The following ZPBP variants were observed in gnomAD, a reference collection of about 807,000 sequenced individuals.
ZPBP encodes the protein zona pellucida binding protein, also known as zona pellucida-binding protein 1.
In ZPBP, 26 loss-of-function variants were observed where a neutral mutation model predicts 44.8. The ratio of observed to expected loss-of-function variants is 0.58; its 90% confidence interval spans 0.43 to 0.81. The LOEUF is 0.81. ZPBP is among the 30% of genes least tolerant of loss of function. The pLI is 0.00. For missense variants in ZPBP, 409 were observed against 434.0 expected (o/e 0.94, Z 0.51); for synonymous variants, 174 against 153.2 (o/e 1.14, Z -1.00).
intron 4 of ZPBP, among the ~76,000 whole-genome samples, chr7:50,050,886 C>CATGACAAA (rs922167228): frequency 2.0e-5 from 3 of 148,628 alleles, no homozygotes; most frequent in Non-Finnish European, 4.5e-5. Flanking sequence ...GCAAAGATTT[C>CATGACAAA]ATGACAAAAA....
At chr7:49,845,695 A>T (rs748473944), downstream of ZPBP, among the ~76,000 whole-genome samples, 2 of 152,250 alleles carry the variant, frequency 1.3e-5, no homozygotes, top group Non-Finnish European at 2.9e-5. Context: ...AATTCCTAAT[A>T]AAAGACCTTG....
intron 4 of ZPBP, among the ~76,000 whole-genome samples, chr7:50,053,704 T>C (rs1209617096): frequency 6.6e-6 from 1 of 152,204 alleles, no homozygotes; most frequent in Non-Finnish European, 1.5e-5. Flanking sequence ...TGACAGTCTG[T>C]TTTTTACTTC....
intron 6 of ZPBP, among the ~76,000 whole-genome samples, chr7:50,015,688 T>G (rs1584047247): frequency 5.4e-5 from 3 of 55,254 alleles, no homozygotes; most frequent in Admixed American, 2.6e-4. Context: ...CCAGAATCTA[T>G]GAAGTACTTA....
At chr7:49,859,225 A>T (rs531147837) in intron 2 of ZPBP, among the ~76,000 whole-genome samples, 1 of 152,334 alleles carries the variant, frequency 6.6e-6, no homozygotes, top group South Asian at 2.1e-4. Context: ...TATATTGCAG[A>T]TATCTTGAGT....
intron 2 of ZPBP, among the ~76,000 whole-genome samples, chr7:49,899,198 C>G (rs1174267398): frequency 6.6e-6 from 1 of 151,950 alleles, no homozygotes; most frequent in Non-Finnish European, 1.5e-5. Context: ...CCTATACATA[C>G]TATGTTTTTC....
intron 2 of ZPBP, among the ~76,000 whole-genome samples, chr7:49,900,304 A>G (rs1792645646): frequency 6.6e-6 from 1 of 151,778 alleles, no homozygotes; most frequent in African/African-American, 2.4e-5. Flanking sequence ...AAAGTAGGCC[A>G]AAGAAAATAA....
At chr7:50,085,241 T>A (rs1802578428) in intron 2 of ZPBP, among the ~76,000 whole-genome samples, 1 of 152,128 alleles carries the variant, frequency 6.6e-6, no homozygotes, top group African/African-American at 2.4e-5. Context: ...CTGGAACAGA[T>A]TCTTTCTTCA....
At chr7:49,911,914 CAAA>C (rs1793463383) in intron 1 of ZPBP, 1 of 751,562 alleles carries the variant, frequency 1.3e-6, no homozygotes, top group African/African-American at 2.1e-5. Flanking sequence ...AACAAACAAA[CAAA>C]TACACGCACA....
intron 3 of ZPBP, among the ~76,000 whole-genome samples, chr7:50,078,321 C>T (rs990965200): frequency 5.3e-5 from 8 of 151,494 alleles, no homozygotes; most frequent in African/African-American, 1.9e-4. Context: ...ATAAGACCTA[C>T]TATTTGATAG....
At chr7:50,088,071 A>G (rs760610929) in intron 2 of ZPBP, among the ~76,000 whole-genome samples, 24 of 152,234 alleles carry the variant, frequency 1.6e-4, no homozygotes, top group Non-Finnish European at 3.2e-4. Flanking sequence ...TATCAGCATA[A>G]GAACAGACAT....
At position 50,011,794 on chromosome 7, in the gene ZPBP, G is replaced by A. The variant is rs574606974; in HGVS notation, c.783+6446C>T. 1.2e-4 allele frequency among the ~76,000 whole-genome samples: 18 copies of A among 152,178 alleles called. No homozygotes were observed. In the East Asian group the frequency reaches 2.1e-3, roughly 18 times the overall value. On this transcript the variant is annotated intron_variant, in intron 6 of 7. Coordinates refer to ENST00000046087, the MANE Select transcript of ZPBP (RefSeq NM_007009.3). Reference sequence around the variant, plus strand: ...GGGCCAGGTGTGGTGGCTCATGACTGTAATCCCAGCACTTTGGAAAGCCAA... The same window carrying A: ...GGGCCAGGTGTGGTGGCTCATGACTATAATCCCAGCACTTTGGAAAGCCAA...
intron 5 of ZPBP, among the ~76,000 whole-genome samples, chr7:50,020,046 TC>T (rs928479301): frequency 2.1e-5 from 3 of 142,668 alleles, no homozygotes; most frequent in African/African-American, 7.8e-5. Context: ...AGACTCTGTC[TC>T]AAAAAAAAAA....
chr7:50,090,176 G>C (rs1206352809), intron 1 of ZPBP, among the ~76,000 whole-genome samples: 1 of 151,902 alleles, frequency 6.6e-6, no homozygotes, highest in East Asian at 1.9e-4. Context: ...AAGGATTTTT[G>C]AGATTTTGGT....
At chr7:49,851,953 C>T (rs763168657) in intron 2 of ZPBP, among the ~76,000 whole-genome samples, 14 of 152,220 alleles carry the variant, frequency 9.2e-5, no homozygotes, top group Non-Finnish European at 1.5e-4. Flanking sequence ...TTTCCCACTC[C>T]CGTTCTAAGG....
chr7:50,081,310 A>G (rs1562615012), intron 3 of ZPBP, among the ~76,000 whole-genome samples: 1 of 151,792 alleles, frequency 6.6e-6, no homozygotes, highest in Non-Finnish European at 1.5e-5. Context: ...AAAATTCATT[A>G]ATCTATATTT....
intron 1 of ZPBP, chr7:49,919,144 G>A (rs887396809): frequency 6.6e-6 from 1 of 151,972 alleles, no homozygotes; most frequent in Non-Finnish European, 1.5e-5. Context: ...GACTGGAATG[G>A]ATAGCTCTAC....
At chr7:50,015,526 T>G (rs970170984) in intron 6 of ZPBP, among the ~76,000 whole-genome samples, 2 of 151,950 alleles carry the variant, frequency 1.3e-5, no homozygotes, top group African/African-American at 4.8e-5. Flanking sequence ...AGTCTCCAAA[T>G]GCAATTGCAA....
downstream of ZPBP, among the ~76,000 whole-genome samples, chr7:49,849,105 TC>T (rs1790073132): frequency 6.6e-6 from 1 of 152,294 alleles, no homozygotes; most frequent in South Asian, 2.1e-4. Context: ...GTACTGTATT[TC>T]TTATTTCTCA....
At chr7:50,062,219 G>T (rs1801278804) in intron 3 of ZPBP, among the ~76,000 whole-genome samples, 1 of 152,126 alleles carries the variant, frequency 6.6e-6, no homozygotes, top group Non-Finnish European at 1.5e-5. Context: ...TGGGTAGAAA[G>T]AATCAATATT....
Sources: allele counts gnomAD v4.1 joint callset (sites outside exome capture counted in the v4.1 genomes callset), GRCh38; gene constraint gnomAD v4.1.1; transcripts MANE v1.5; gene names NCBI Gene and HGNC (gene_info 2026-07-23, HGNC 2026-07-21).